The following GPCPD1 variants were observed in gnomAD, a reference collection of about 807,000 sequenced individuals.
GPCPD1 encodes the protein glycerophosphocholine phosphodiesterase 1.
GPCPD1 carries 29 observed loss-of-function variants against 89.2 expected under a neutral mutation model. The observed-to-expected ratio is 0.33, with a 90% confidence interval of 0.24 to 0.44. GPCPD1 has a LOEUF of 0.44. Among genes scored for constraint, GPCPD1 ranks in the 20% least tolerant of loss-of-function variants. GPCPD1 has a pLI of 1.00. For missense variants in GPCPD1, 594 were observed against 808.9 expected, an observed-to-expected ratio of 0.73 and a Z score of 3.22; for synonymous variants, 258 against 266.3, an observed-to-expected ratio of 0.97 and a Z score of 0.30.
intron 3 of GPCPD1, among the ~76,000 whole-genome samples, chr20:5,593,831 T>A (rs1346751961): frequency 3.9e-5 from 6 of 152,236 alleles, no homozygotes; most frequent in African/African-American, 1.4e-4. Flanking sequence ...GTCAGAATCT[T>A]CTGTGACTTC....
intron 11 of GPCPD1, among the ~76,000 whole-genome samples, chr20:5,572,510 C>A (rs1986779910): frequency 6.6e-6 from 1 of 152,030 alleles, no homozygotes; most frequent in South Asian, 2.1e-4. Context: ...AAAAGTACAC[C>A]TTAGAATAGA....
chr20:5,580,322 T>C (rs943536003), intron 6 of GPCPD1, among the ~76,000 whole-genome samples, 191 bp from the exon 7 acceptor site: 1 of 152,298 alleles, frequency 6.6e-6, no homozygotes, highest in Middle Eastern at 3.4e-3. Flanking sequence ...GTTGTTCATA[T>C]TGCAAACCAA....
intron 1 of GPCPD1, among the ~76,000 whole-genome samples, chr20:5,606,618 T>C (rs1980602211): frequency 6.6e-6 from 1 of 152,200 alleles, no homozygotes; most frequent in South Asian, 2.1e-4. Context: ...GGAGGCATTT[T>C]TGGTTGTCAC....
intron 2 of GPCPD1, among the ~76,000 whole-genome samples, chr20:5,603,950 T>G (rs1388298577): frequency 6.6e-6 from 1 of 152,100 alleles, no homozygotes; most frequent in African/African-American, 2.4e-5. Context: ...TTTCACCATG[T>G]TGGCCAGGCT....
intron 18 of GPCPD1, 66 bp downstream of exon 18, chr20:5,558,618 A>G: frequency 2.1e-6 from 2 of 951,156 alleles, no homozygotes. Context: ...GTAATATGAA[A>G]TCTTTACTAC....
intron 6 of GPCPD1, among the ~76,000 whole-genome samples, chr20:5,580,885 T>C (rs2099485637): frequency 6.6e-6 from 1 of 151,852 alleles, no homozygotes. Flanking sequence ...CCATTTTTTT[T>C]TTTTTTGAGA....
chr20:5,549,246 G>A, intron 19 of GPCPD1: 1 of 784,620 alleles, frequency 1.3e-6, no homozygotes. Context: ...TCTTATTGGA[G>A]AATCTTTTGA....
At chr20:5,584,538 T>G (rs1466763009) in intron 5 of GPCPD1, 2 of 305,970 alleles carry the variant, frequency 6.5e-6, no homozygotes, top group Non-Finnish European at 1.2e-5. Flanking sequence ...CTTCGTTGAT[T>G]GTCCATTATG....
Position 5,584,323 on chromosome 20 carries a change from C to T in GPCPD1, c.308-1G>A. On this transcript the variant is annotated splice_acceptor_variant, in intron 5 of 19. Coordinates refer to ENST00000379019, the MANE Select transcript of GPCPD1 (RefSeq NM_019593.5). LOFTEE classifies it high-confidence loss of function. Reference sequence around the variant, plus strand: ...CCATCGTCAATAATAATTTCGCTTTCTAGAATTTAAGGAAAATAGAAAATT... The same window carrying T: ...CCATCGTCAATAATAATTTCGCTTTTTAGAATTTAAGGAAAATAGAAAATT... 1 of 1,374,336 alleles carries T rather than the reference C, an allele frequency of 7.3e-7. No homozygotes were observed. Among genetic ancestry groups the T allele is most frequent in the Non-Finnish European group, 1.0e-6 (1 of 966,834 alleles). The allele number at this position is 1,374,336 out of a possible 1,614,324, so 85.1% of individuals were successfully genotyped here.
At chr20:5,576,110 T>C in intron 8 of GPCPD1, 132 bp from the exon 9 acceptor site, 4 of 432,660 alleles carry the variant, frequency 9.2e-6, no homozygotes, top group Non-Finnish European at 1.6e-5. Context: ...TATATATATT[T>C]TTTTTTTCAT....
At chr20:5,591,622 T>C (rs1043209174) in intron 4 of GPCPD1, among the ~76,000 whole-genome samples, 9 of 152,238 alleles carry the variant, frequency 5.9e-5, no homozygotes, top group African/African-American at 2.2e-4. Context: ...TTTACATCAT[T>C]TCACAATTTA....
chr20:5,571,524 T>C (rs1456687713), intron 11 of GPCPD1, among the ~76,000 whole-genome samples: 1 of 152,114 alleles, frequency 6.6e-6, no homozygotes, highest in Non-Finnish European at 1.5e-5. Context: ...AAATAACACA[T>C]CTGAAAATGT....
At chr20:5,549,277 T>G in intron 19 of GPCPD1, 1 of 876,620 alleles carries the variant, frequency 1.1e-6, no homozygotes, top group South Asian at 1.3e-5. Context: ...ATGATATATG[T>G]GCAGCTGTTC....
At chr20:5,567,407 G>C in intron 13 of GPCPD1, 76 bp downstream of exon 13, 1 of 1,474,680 alleles carries the variant, frequency 6.8e-7, no homozygotes, top group Non-Finnish European at 9.0e-7. Flanking sequence ...TGTGCAAAGA[G>C]AACATAACCA....
At chr20:5,605,731 C>G (rs973240208) in intron 1 of GPCPD1, among the ~76,000 whole-genome samples, 1 of 151,994 alleles carries the variant, frequency 6.6e-6, no homozygotes, top group African/African-American at 2.4e-5. Flanking sequence ...TGAGCCCCCC[C>G]ACCTGCCTCC....
intron 16 of GPCPD1, 59 bp from the exon 17 acceptor site, chr20:5,560,135 C>T: frequency 1.6e-6 from 2 of 1,256,596 alleles, no homozygotes; most frequent in Admixed American, 2.8e-5. Context: ...GTGCTAGCAA[C>T]TCTGTTTTTA....
At chr20:5,560,656 T>G (rs1293557743) in intron 16 of GPCPD1, among the ~76,000 whole-genome samples, 1 of 152,184 alleles carries the variant, frequency 6.6e-6, no homozygotes, top group Non-Finnish European at 1.5e-5. Flanking sequence ...ATCACATTAT[T>G]AGGGAAACCT....
rs1978287520 is a variant in GPCPD1 at position 5,575,881 on chromosome 20, C to T, written c.803G>A (p.Ser268Asn). The T allele has an allele frequency of 3.7e-6, 6 of 1,607,638 alleles. No individual in the cohort carries two copies. Among genetic ancestry groups the T allele is most frequent in the South Asian group, 1.1e-5 (1 of 90,928 alleles). ...LSSTIAESGK[S>N]AGILTLPIMS... ...GATGGGAAGAGTAAGAATTCCAGCA[C>T]TCTTTCCACTCTCAGCAATGGTGGA... The change falls in exon 9 of 20, where the codon AGT (serine) becomes AAT (asparagine). Residue 268 changes from serine (S) to asparagine (N), a missense_variant. By Grantham distance (46) the Ser-to-Asn change is conservative. Transcript: ENST00000379019.
chr20:5,581,861 G>A (rs374147557), intron 6 of GPCPD1, among the ~76,000 whole-genome samples: 111 of 102,196 alleles, frequency 1.1e-3, no homozygotes, highest in African/African-American at 3.4e-3. Flanking sequence ...GAAAAGACAA[G>A]TGAGACCATG....
Sources: gnomAD v4.1 joint callset for allele counts (sites outside exome capture counted in the v4.1 genomes callset) on GRCh38, gnomAD v4.1.1 for gene constraint, MANE v1.5 for transcripts, NCBI Gene and HGNC (gene_info 2026-07-23, HGNC 2026-07-21) for gene names.